Variants in MDGA2 observed in about 807,000 individuals in gnomAD.
MDGA2 encodes the protein MAM domain-containing glycosylphosphatidylinositol anchor protein 2.
MDGA2 carries 40 observed loss-of-function variants against 117.8 expected under a neutral mutation model. The observed-to-expected ratio is 0.34, with a 90% CI of 0.26 to 0.44. The LOEUF is 0.44. MDGA2 is among the 20% of genes least tolerant of loss of function. The pLI is 1.00. For synonymous variants in MDGA2, 452 were observed against 439.0 expected (o/e 1.03, Z -0.37); for missense variants, 1,123 against 1,250.6 (o/e 0.90, Z 1.54).
intron 3 of MDGA2, among the ~76,000 whole-genome samples, chr14:47,172,596 T>G (rs1437655783): frequency 1.3e-5 from 2 of 152,088 alleles, no homozygotes; most frequent in Non-Finnish European, 2.9e-5. Flanking sequence ...GTCCTGTCTG[T>G]TAGAAGGAAA....
intron 1 of MDGA2, among the ~76,000 whole-genome samples, chr14:47,306,845 GA>G (rs1889465384): frequency 4.4e-5 from 2 of 45,484 alleles, no homozygotes; most frequent in Admixed American, 8.8e-4. Flanking sequence ...GAAAGAGGGA[GA>G]GAGAGAGAGA....
intron 2 of MDGA2, among the ~76,000 whole-genome samples, chr14:47,296,426 T>C (rs756295511): frequency 6.6e-6 from 1 of 152,310 alleles, no homozygotes; most frequent in South Asian, 2.1e-4. Context: ...ATTTACGTAG[T>C]ATATTTGTCG....
At chr14:47,376,462 T>G (rs1182792486) in intron 1 of MDGA2, among the ~76,000 whole-genome samples, 1 of 152,166 alleles carries the variant, frequency 6.6e-6, no homozygotes, top group Non-Finnish European at 1.5e-5. Flanking sequence ...CTTATTCAAG[T>G]TGTAAAAAAA....
At chr14:47,313,642 G>T (rs1889713791) in intron 1 of MDGA2, among the ~76,000 whole-genome samples, 1 of 152,076 alleles carries the variant, frequency 6.6e-6, no homozygotes, top group South Asian at 2.1e-4. Flanking sequence ...GTTCAATGTT[G>T]TTCTATCTAA....
chr14:47,494,875 A>ATT (rs200627387), intron 1 of MDGA2, among the ~76,000 whole-genome samples: 5,226 of 105,764 alleles, frequency 0.049, 311 homozygotes, highest in African/African-American at 0.16. Context: ...TTAAAATGTG[A>ATT]TTATATATAT....
At chr14:47,488,817 A>G (rs12590633) in intron 1 of MDGA2, among the ~76,000 whole-genome samples, 47,428 of 151,794 alleles carry the variant, frequency 0.31, 8,367 homozygotes, top group East Asian at 0.59. Context: ...AGAAAAGTAA[A>G]GAAAAATGTG....
At chr14:47,079,338 A>G (rs1043608236) in intron 6 of MDGA2, among the ~76,000 whole-genome samples, 4 of 152,290 alleles carry the variant, frequency 2.6e-5, no homozygotes, top group Non-Finnish European at 2.9e-5. Context: ...TTTTGTTGCA[A>G]AATTGAGCAA....
intron 1 of MDGA2, among the ~76,000 whole-genome samples, chr14:47,397,255 T>C (rs1263536727): frequency 6.6e-6 from 1 of 152,064 alleles, no homozygotes. Flanking sequence ...CCACATGTTC[T>C]CACTCATAAG....
intron 8 of MDGA2, among the ~76,000 whole-genome samples, chr14:46,989,311 T>C (rs931888853): frequency 1.4e-5 from 2 of 147,504 alleles, no homozygotes; most frequent in African/African-American, 2.5e-5. Context: ...CAGAAAAGGA[T>C]AGCTGCACTG....
Position 47,534,272 on chromosome 14 carries a change from G to C in MDGA2, c.280+140245C>G, listed in dbSNP as rs1895160825. Among the ~76,000 whole-genome samples, 10 of 152,198 alleles carry C rather than the reference G, an allele frequency of 6.6e-5. No homozygotes were observed. In the South Asian group the frequency reaches 2.1e-3, roughly 32 times the overall value. On this transcript the variant is annotated intron_variant, in intron 1 of 16. Coordinates refer to ENST00000399232, the MANE Select transcript of MDGA2 (RefSeq NM_001113498.3). ...TAGAGGTGTGATTGAGGGAGAAGCT[G>C]GTAGCTTCAATAAAAGATCAAGTAA...
At chr14:46,901,527 C>T (rs956097091) in intron 10 of MDGA2, among the ~76,000 whole-genome samples, 1 of 152,068 alleles carries the variant, frequency 6.6e-6, no homozygotes, top group Non-Finnish European at 1.5e-5. Flanking sequence ...GCTAAAGTAT[C>T]CCACATGCAT....
intron 1 of MDGA2, among the ~76,000 whole-genome samples, chr14:47,656,239 A>T (rs1300279636): frequency 6.6e-6 from 1 of 152,168 alleles, no homozygotes; most frequent in Non-Finnish European, 1.5e-5. Context: ...GTAGACAGAG[A>T]AAGCCCAAGT....
At chr14:47,287,342 C>T (rs990263192) in intron 2 of MDGA2, among the ~76,000 whole-genome samples, 2 of 152,142 alleles carry the variant, frequency 1.3e-5, no homozygotes, top group Non-Finnish European at 1.5e-5. Flanking sequence ...GTAGGAAAAG[C>T]ACTGTCGCTT....
In MDGA2 at chr14:46,851,819, ATTG is replaced by A. The variant is rs766827004; in HGVS notation, c.2883+3202_2883+3204del. Among the ~76,000 whole-genome samples, 11 of 151,766 alleles carry A rather than the reference ATTG, an allele frequency of 7.2e-5. 1 individual carries two copies. Among genetic ancestry groups the A allele is most frequent in the Non-Finnish European group, 1.6e-4 (11 of 67,824 alleles). Reference sequence around the variant, plus strand: ...ATTTATATAGTAATATATTGGTATCATTGTTGTTATCAGGAGTTCCTAGAAGAC... The same window carrying A: ...ATTTATATAGTAATATATTGGTATCATTGTTATCAGGAGTTCCTAGAAGAC... On this transcript the variant is annotated intron_variant, in intron 15 of 16. Coordinates refer to ENST00000399232, the MANE Select transcript of MDGA2 (RefSeq NM_001113498.3).
intron 9 of MDGA2, among the ~76,000 whole-genome samples, chr14:46,953,911 C>T (rs1885461274): frequency 6.6e-6 from 1 of 151,998 alleles, no homozygotes; most frequent in Non-Finnish European, 1.5e-5. Context: ...AATAAAAGTG[C>T]ATCTTCATTA....
rs1312631210 is a variant in MDGA2, at chr14:46,957,748, G to A, written c.1820-105C>T. The A allele has an allele frequency of 6.3e-6, 8 of 1,270,116 alleles. No homozygotes were observed. In the African/African-American group the frequency reaches 9.0e-5, roughly 14 times the overall value. 78.7% of individuals were successfully genotyped at this position (1,270,116 alleles called of 1,614,324 possible). On this transcript the variant is annotated intron_variant, in intron 8 of 16. Coordinates refer to ENST00000399232, the MANE Select transcript of MDGA2 (RefSeq NM_001113498.3). ...TTGCAGTAACACATGCAGCAATAGA[G>A]GAGGAGTGTAGGAGGTGAATGAAGA...
chr14:47,648,417 T>C (rs541279328), intron 1 of MDGA2, among the ~76,000 whole-genome samples: 1 of 152,274 alleles, frequency 6.6e-6, no homozygotes, highest in Non-Finnish European at 1.5e-5. Context: ...GTATATGCCA[T>C]TTGAAGACAA....
chr14:47,380,410 C>CA (rs1272756031), intron 1 of MDGA2, among the ~76,000 whole-genome samples: 6 of 152,004 alleles, frequency 3.9e-5, no homozygotes, highest in African/African-American at 1.5e-4. Context: ...AAAAACCCTT[C>CA]AAAAAATCAG....
At chr14:47,598,348 A>G (rs146085072) in intron 1 of MDGA2, among the ~76,000 whole-genome samples, 2 of 152,354 alleles carry the variant, frequency 1.3e-5, no homozygotes, top group African/African-American at 4.8e-5. Context: ...AACTGAAAGC[A>G]GGAATTTGAA....
Sources: allele counts gnomAD v4.1 joint callset (sites outside exome capture counted in the v4.1 genomes callset), GRCh38; gene constraint gnomAD v4.1.1; transcripts MANE v1.5; gene names NCBI Gene and HGNC (gene_info 2026-07-23, HGNC 2026-07-21).